PTPN3: variants seen among roughly 807,000 people sequenced by gnomAD.
PTPN3 encodes the protein protein tyrosine phosphatase non-receptor type 3, also known as tyrosine-protein phosphatase non-receptor type 3.
PTPN3 carries 96 observed loss-of-function variants against 132.7 expected under a neutral mutation model. The ratio of observed to expected loss-of-function variants is 0.72; its 90% confidence interval spans 0.61 to 0.86. The LOEUF (loss-of-function observed/expected upper bound fraction) is 0.86, where lower values mean the gene tolerates loss of function less well. PTPN3 is among the 40% of genes least tolerant of loss of function. The probability of loss-of-function intolerance (pLI) is 0.00; values close to 1 mark genes in which losing one functional copy is unlikely to be tolerated. For missense variants in PTPN3, 1,125 were observed against 1,159.6 expected, an observed-to-expected ratio of 0.97 and a Z score of 0.43; for synonymous variants, 398 against 429.0, an observed-to-expected ratio of 0.93 and a Z score of 0.89.
At chr9:109,383,245 G>A (rs1457706239) in intron 23 of PTPN3, 178 bp downstream of exon 23, 3 of 1,075,746 alleles carry the variant, frequency 2.8e-6, no homozygotes, top group African/African-American at 3.1e-5. Context: ...CGTGCCTGTT[G>A]TGACTAGGGC....
intron 22 of PTPN3, among the ~76,000 whole-genome samples, chr9:109,385,717 T>A (rs1341602115): frequency 6.6e-6 from 1 of 152,212 alleles, no homozygotes; most frequent in East Asian, 1.9e-4. Flanking sequence ...GAAGAAGCAC[T>A]TCTGGAGAAG....
chr9:109,379,382 A>C lies in PTPN3; in HGVS notation c.*174T>G, dbSNP rs1838832585. ...ATGCCATAATTGCATGCTTATCTAC[A>C]CCAGTTCCTATGTACACGATATCTT... On this transcript the variant is annotated 3_prime_UTR_variant, in exon 26 of 26. Transcript: ENST00000374541. The C allele has an allele frequency of 1.6e-6, 1 of 607,242 alleles. No individual in the cohort carries two copies. The highest frequency in any genetic ancestry group is 1.9e-5 in the African/African-American group (1 of 53,864). The allele number at this position is 607,242 out of a possible 1,614,324, so 37.6% of individuals were successfully genotyped here. A position where few individuals can be genotyped will look rare whatever the true frequency, so the allele number is the denominator to read the frequency against.
intron 1 of PTPN3, among the ~76,000 whole-genome samples, chr9:109,468,284 G>T (rs1278637365): frequency 6.6e-6 from 1 of 152,128 alleles, no homozygotes; most frequent in Non-Finnish European, 1.5e-5. Flanking sequence ...TTCTTTGCAT[G>T]AGTTTAAAAA....
chr9:109,520,705 C>T, the PTPN3 span, among the ~76,000 whole-genome samples: 1 of 152,112 alleles, frequency 6.6e-6, no homozygotes, highest in Non-Finnish European at 1.5e-5. Flanking sequence ...CTGTCCGTGG[C>T]CTGGTTTGTT....
rs118043509 is a variant in PTPN3 at position 109,494,156 on chromosome 9, G to A, written c.-18+4063C>T. Reference sequence around the variant, plus strand: ...AGCAGACCCGAACCAGAGCAGGTGGGTTCTGCATTAGTGAACACCAAGAGG... The same window carrying A: ...AGCAGACCCGAACCAGAGCAGGTGGATTCTGCATTAGTGAACACCAAGAGG... On this transcript the variant is annotated intron_variant, in intron 1 of 25. Coordinates refer to ENST00000374541, the MANE Select transcript of PTPN3 (RefSeq NM_002829.4). Among the ~76,000 whole-genome samples the A allele has an allele frequency of 1.1e-3, 172 of 152,358 alleles. 5 individuals are homozygous for A. In the East Asian group the frequency reaches 0.03, roughly 26 times the overall value.
intron 24 of PTPN3, 105 bp from the exon 25 acceptor site, chr9:109,381,892 C>T: frequency 4.3e-6 from 6 of 1,392,758 alleles, no homozygotes; most frequent in Non-Finnish European, 6.0e-6. Flanking sequence ...CCTCCCTTGG[C>T]CTTCGAGAAG....
At chr9:109,390,136 G>T (rs916801557) in intron 21 of PTPN3, among the ~76,000 whole-genome samples, 2 of 152,156 alleles carry the variant, frequency 1.3e-5, no homozygotes, top group Non-Finnish European at 2.9e-5. Flanking sequence ...TTATGGTATT[G>T]CTGCCCCTAA....
upstream of PTPN3, among the ~76,000 whole-genome samples, chr9:109,498,483 C>A (rs1332598718): frequency 6.6e-6 from 1 of 151,968 alleles, no homozygotes; most frequent in African/African-American, 2.4e-5. This position sits in a 1 kb window ranked among gnomAD's most constrained non-coding sequence, Gnocchi z 4.2. Flanking sequence ...CGCCGAGCTC[C>A]GGGCAGGTCC....
At chr9:109,428,793 C>T in intron 10 of PTPN3, 109 bp from the exon 11 acceptor site, 1 of 1,463,214 alleles carries the variant, frequency 6.8e-7, no homozygotes, top group Non-Finnish European at 9.0e-7. Flanking sequence ...TGAGTGGGGG[C>T]TCTTGGCTGC....
At chr9:109,385,230 G>T (rs1250160504) in intron 22 of PTPN3, among the ~76,000 whole-genome samples, 1 of 152,226 alleles carries the variant, frequency 6.6e-6, no homozygotes, top group Admixed American at 6.5e-5. Flanking sequence ...AAAACTGGTG[G>T]TGTAGTGGAA....
the PTPN3 span, among the ~76,000 whole-genome samples, chr9:109,529,550 A>G: frequency 2.0e-5 from 3 of 152,072 alleles, no homozygotes; most frequent in African/African-American, 7.2e-5. Context: ...GTCCATTCCT[A>G]TCTGTTCTCT....
chr9:109,399,642 A>G (rs1840898382), intron 19 of PTPN3, among the ~76,000 whole-genome samples: 1 of 151,430 alleles, frequency 6.6e-6, no homozygotes, highest in Non-Finnish European at 1.5e-5. Flanking sequence ...TTTTTTTCAT[A>G]AAGGGAATTC....
At chr9:109,527,066 A>G in the PTPN3 span, among the ~76,000 whole-genome samples, 1 of 152,266 alleles carries the variant, frequency 6.6e-6, no homozygotes, top group African/African-American at 2.4e-5. Context: ...GCAACATAAC[A>G]GGATATCCTC....
At chr9:109,380,510 C>T (rs1234141225) in intron 25 of PTPN3, among the ~76,000 whole-genome samples, 1 of 152,202 alleles carries the variant, frequency 6.6e-6, no homozygotes, top group Admixed American at 6.5e-5. Flanking sequence ...CCTTCCTTAG[C>T]CTGCTGAAGT....
chr9:109,435,548 A>C (rs1843983114), intron 9 of PTPN3, among the ~76,000 whole-genome samples: 1 of 152,146 alleles, frequency 6.6e-6, no homozygotes, highest in African/African-American at 2.4e-5. Flanking sequence ...TGAAAGATAA[A>C]CCTTATGATA....
chr9:109,514,148 A>C, the PTPN3 span, among the ~76,000 whole-genome samples: 42 of 152,196 alleles, frequency 2.8e-4, no homozygotes, highest in African/African-American at 7.9e-4. Context: ...CATCCTTCCC[A>C]AGCCCCACTT....
chr9:109,475,224 G>A (rs1213533719), intron 1 of PTPN3, among the ~76,000 whole-genome samples: 1 of 152,176 alleles, frequency 6.6e-6, no homozygotes, highest in Non-Finnish European at 1.5e-5. Flanking sequence ...TGGGATAGAT[G>A]AACTCTGGGC....
rs1286166339 is a variant in PTPN3 at position 109,422,731 on chromosome 9, T to C, written c.1123A>G (p.Ile375Val). ...TKSLPSRSPP[I>V]TPNWRSPRLR... Reference sequence around the variant, plus strand: ...AGGAGGACATACCAGTTGGGAGTAATGGGAGGGGAACGAGAAGGCAGACTC... The same window carrying C: ...AGGAGGACATACCAGTTGGGAGTAACGGGAGGGGAACGAGAAGGCAGACTC... Residue 375 changes from isoleucine (I) to valine (V), a missense_variant, in exon 13 of 26, where the codon ATT becomes GTT. Coordinates refer to ENST00000374541, the MANE Select transcript of PTPN3 (RefSeq NM_002829.4). 1.9e-6 allele frequency: 3 copies of C among 1,605,202 alleles called. No individual in the cohort carries two copies. The highest frequency in any genetic ancestry group is 2.2e-5 in the East Asian group (1 of 44,644).
At chr9:109,461,520 CT>C (rs1402070608) in intron 2 of PTPN3, among the ~76,000 whole-genome samples, 1 of 152,114 alleles carries the variant, frequency 6.6e-6, no homozygotes, top group African/African-American at 2.4e-5. Flanking sequence ...CTTCAGGAAG[CT>C]AAAGTGGGAG....
Sources: gnomAD v4.1 joint callset for allele counts (sites outside exome capture counted in the v4.1 genomes callset) on GRCh38, gnomAD v4.1.1 for gene constraint, Gnocchi (gnomAD v3.1) non-coding constraint, MANE v1.5 for transcripts, NCBI Gene and HGNC (gene_info 2026-07-23, HGNC 2026-07-21) for gene names.